The following ENPP1 variants were observed in gnomAD, a reference collection of about 807,000 sequenced individuals.
The protein encoded by ENPP1 is ectonucleotide pyrophosphatase/phosphodiesterase family member 1.
Under a neutral mutation model 122.8 loss-of-function variants are expected in ENPP1, and 73 were observed. The observed-to-expected ratio is 0.59, with a 90% CI of 0.49 to 0.72. The LOEUF is 0.72. Ranked by LOEUF, ENPP1 falls within the 30% of genes least tolerant of loss-of-function variation. The pLI, the probability that ENPP1 is intolerant of heterozygous loss-of-function variation, is 0.00. For synonymous variants in ENPP1, 367 were observed against 391.6 expected (o/e 0.94, Z 0.74); for missense variants, 978 against 1,128.1 (o/e 0.87, Z 1.91).
chr6:131,863,843 G>A (rs906876986), intron 9 of ENPP1, among the ~76,000 whole-genome samples: 1 of 152,090 alleles, frequency 6.6e-6, no homozygotes, highest in Admixed American at 6.5e-5. Context: ...TTGAACCCGG[G>A]AGGTGGAGAT....
At chr6:131,830,525 CTGTCTGCACAT>C (rs1205737273) in intron 1 of ENPP1, among the ~76,000 whole-genome samples, 1 of 152,304 alleles carries the variant, frequency 6.6e-6, no homozygotes, top group Admixed American at 6.5e-5. Context: ...TGTGAAAGCA[CTGTCTGCACAT>C]TGTTGATTTA....
In ENPP1 at chr6:131,864,944, T is replaced by A; in HGVS notation, c.1164+6T>A. ...ATGGACCAGTCAGCAGTGAAGTAAGTACATTTTTATCAGTAATTATTTCAT... is the reference window on the plus strand; with the variant it reads ...ATGGACCAGTCAGCAGTGAAGTAAGAACATTTTTATCAGTAATTATTTCAT... On this transcript the variant is annotated splice_donor_region_variant and intron_variant, in intron 11 of 24. Transcript: ENST00000647893. 1 of 1,550,212 alleles carries A rather than the reference T, an allele frequency of 6.5e-7. No individual in the cohort carries two copies. The highest frequency in any genetic ancestry group is 8.9e-7 in the Non-Finnish European group (1 of 1,121,872).
intron 1 of ENPP1, among the ~76,000 whole-genome samples, chr6:131,829,364 CT>C (rs1338735803): frequency 6.6e-6 from 1 of 152,138 alleles, no homozygotes; most frequent in Non-Finnish European, 1.5e-5. Flanking sequence ...GACAATTTTT[CT>C]TTTCTTTTTT....
intron 1 of ENPP1, among the ~76,000 whole-genome samples, chr6:131,825,069 A>C (rs1208656862): frequency 6.6e-6 from 1 of 151,966 alleles, no homozygotes; most frequent in Non-Finnish European, 1.5e-5. Context: ...CAAAAAAAAA[A>C]CAAACAAACA....
rs138833243 is a variant in ENPP1 at position 131,882,031 on chromosome 6, T to TA, written c.2101-312dup. Among the ~76,000 whole-genome samples, 280 of 144,566 alleles carry TA rather than the reference T, an allele frequency of 1.9e-3. 1 individual carries two copies. Among genetic ancestry groups the TA allele is most frequent in the African/African-American group, 5.3e-3 (194 of 36,436 alleles). The allele number at this position is 144,566 out of a possible 152,430, so 94.8% of individuals were successfully genotyped here. On this transcript the variant is annotated intron_variant, in intron 20 of 24. Transcript: ENST00000647893. ...AGACTCCATCTTAAAAAAATAATAATAATAAATAAATAAATAAATAAATAA... is the reference window on the plus strand; with the variant it reads ...AGACTCCATCTTAAAAAAATAATAATAAATAAATAAATAAATAAATAAATAA...
chr6:131,881,685 C>T (rs1782309980), intron 20 of ENPP1, among the ~76,000 whole-genome samples: 1 of 152,218 alleles, frequency 6.6e-6, no homozygotes, highest in Non-Finnish European at 1.5e-5. Flanking sequence ...AGTTCGAGAC[C>T]ATCCTGGCTA....
chr6:131,875,513 G>C (rs1471477788), intron 16 of ENPP1, among the ~76,000 whole-genome samples: 4 of 150,530 alleles, frequency 2.7e-5, no homozygotes, highest in Admixed American at 2.7e-4. Flanking sequence ...TGTCATAGAT[G>C]AAAAAAAAAT....
intron 1 of ENPP1, among the ~76,000 whole-genome samples, chr6:131,819,339 G>A (rs1781455694): frequency 6.6e-6 from 1 of 152,122 alleles, no homozygotes; most frequent in African/African-American, 2.4e-5. Context: ...TAATTCAAGA[G>A]CACAGATATA....
At chr6:131,853,389 G>C (rs1259214895) in intron 5 of ENPP1, among the ~76,000 whole-genome samples, 1 of 152,008 alleles carries the variant, frequency 6.6e-6, no homozygotes, top group Non-Finnish European at 1.5e-5. Flanking sequence ...TTTTTCAGTT[G>C]TAATATTGAA....
intron 5 of ENPP1, among the ~76,000 whole-genome samples, chr6:131,854,065 T>C (rs113081737): frequency 1.3e-5 from 2 of 152,194 alleles, no homozygotes; most frequent in South Asian, 4.1e-4. Flanking sequence ...CTCAAACTTT[T>C]GTATTAAGTA....
chr6:131,859,807 G>A (rs1008760572), intron 7 of ENPP1, among the ~76,000 whole-genome samples: 1 of 152,202 alleles, frequency 6.6e-6, no homozygotes, highest in Middle Eastern at 3.4e-3. Context: ...GCAGGCTTGC[G>A]AGACTACATT....
chr6:131,870,752 T>C (rs1378294573), intron 13 of ENPP1, among the ~76,000 whole-genome samples: 2 of 152,188 alleles, frequency 1.3e-5, no homozygotes, highest in East Asian at 1.9e-4. Context: ...AGAAAAGTAG[T>C]ACATGACTGT....
intron 1 of ENPP1, among the ~76,000 whole-genome samples, chr6:131,835,887 C>G (rs1249231424): frequency 6.6e-6 from 1 of 152,032 alleles, no homozygotes; most frequent in Non-Finnish European, 1.5e-5. Flanking sequence ...TCATATCATA[C>G]TTGAAAATTA....
intron 13 of ENPP1, among the ~76,000 whole-genome samples, chr6:131,871,365 C>T (rs570662241): frequency 6.6e-6 from 1 of 152,266 alleles, no homozygotes; most frequent in Non-Finnish European, 1.5e-5. Context: ...GCATACTATG[C>T]AAATGCAGTT....
rs1311645222 is a variant in ENPP1, at chr6:131,872,901, T to C, written c.1438-22T>C. 8 of 1,613,028 alleles carry C rather than the reference T, an allele frequency of 5.0e-6. No homozygotes were observed. In the East Asian group the frequency reaches 1.8e-4, roughly 36 times the overall value. The stretch of plus-strand genomic sequence containing the variant: ...TAGATATTAGGGAAATAATAGTTTT[T>C]CTTTGCTGTTTGCAATTTCAGTGCC... On this transcript the variant is annotated intron_variant, in intron 14 of 24. Coordinates refer to ENST00000647893, the MANE Select transcript of ENPP1 (RefSeq NM_006208.3).
Position 131,890,473 on chromosome 6 carries a change from T to C in ENPP1, c.2740T>C (p.Leu914=), listed in dbSNP as rs371563316. The C allele has an allele frequency of 6.8e-6, 11 of 1,613,998 alleles. No individual in the cohort carries two copies. The highest frequency in any genetic ancestry group is 6.7e-5 in the East Asian group (3 of 44,896). ...AGAGCCAGTTTCAGACATTTTAAAG[T>C]TGAAAACACATTTGCCAACCTTTAG... The part of the protein sequence containing the change: ...RKEPVSDILK[L]KTHLPTFSQE... The change falls in exon 25 of 25, where the codon TTG becomes CTG. Residue 914 remains leucine (L), a synonymous_variant. Transcript: ENST00000647893.
At chr6:131,876,650 A>T (rs1003432993) in intron 17 of ENPP1, among the ~76,000 whole-genome samples, 3 of 152,208 alleles carry the variant, frequency 2.0e-5, no homozygotes, top group African/African-American at 7.2e-5. Flanking sequence ...CTCATCTACC[A>T]AATATTGATG....
At chr6:131,885,147 CT>C in intron 23 of ENPP1, 84 bp downstream of exon 23, 4 of 1,323,156 alleles carry the variant, frequency 3.0e-6, no homozygotes, top group Admixed American at 1.8e-5. Context: ...TCAACAGAAC[CT>C]TTTTTATCCA....
chr6:131,817,488 G>A (rs577128084), intron 1 of ENPP1, among the ~76,000 whole-genome samples: 1 of 152,026 alleles, frequency 6.6e-6, no homozygotes, highest in Non-Finnish European at 1.5e-5. Context: ...TTCCAAAGTA[G>A]GTATACTTTT....
Sources: allele counts gnomAD v4.1 joint callset (sites outside exome capture counted in the v4.1 genomes callset), GRCh38; gene constraint gnomAD v4.1.1; transcripts MANE v1.5; gene names NCBI Gene and HGNC (gene_info 2026-07-23, HGNC 2026-07-21).